POU2F2: variants seen among roughly 807,000 people sequenced by gnomAD.
POU2F2 encodes the protein POU class 2 homeobox 2.
POU2F2 carries 14 observed loss-of-function variants against 63.5 expected under a neutral mutation model. The observed-to-expected ratio is 0.22, with a 90% CI of 0.15 to 0.34. The LOEUF is 0.34. Ranked by LOEUF, POU2F2 falls within the 10% of genes least tolerant of loss-of-function variation. The pLI is 1.00. For missense variants in POU2F2, 607 were observed against 815.2 expected (o/e 0.74, Z 3.11); for synonymous variants, 306 against 348.6 (o/e 0.88, Z 1.36).
intron 5 of POU2F2, among the ~76,000 whole-genome samples, chr19:42,100,596 A>T (rs1304400962): frequency 6.6e-6 from 1 of 151,802 alleles, no homozygotes; most frequent in Non-Finnish European, 1.5e-5. Context: ...TACTAAAAAT[A>T]CAAAATTAGC....
chr19:42,142,112 G>A (rs1261738469), intron 2 of POU2F2, among the ~76,000 whole-genome samples: 3 of 152,176 alleles, frequency 2.0e-5, no homozygotes, highest in African/African-American at 4.8e-5. Context: ...TTCTATGGGC[G>A]TACAAGTATT....
At chr19:42,195,201 A>C (rs1487352714) in intron 1 of POU2F2, among the ~76,000 whole-genome samples, 1 of 151,432 alleles carries the variant, frequency 6.6e-6, no homozygotes, top group Non-Finnish European at 1.5e-5. Context: ...CATGACAGAA[A>C]GGTGGGCAGG....
chr19:42,152,780 T>C lies in POU2F2; in HGVS notation c.-9+7552A>G, dbSNP rs2034379884. 6.6e-6 allele frequency: 1 copy of C among 152,002 alleles called. No homozygotes were observed. The highest frequency in any genetic ancestry group is 1.5e-5 in the Non-Finnish European group (1 of 68,022). 9.4% of individuals were successfully genotyped at this position (152,002 alleles called of 1,614,324 possible). A position where few individuals can be genotyped will look rare whatever the true frequency, so the allele number is the denominator to read the frequency against. ...TTCAGGTAAGGGGGCTGGGAGAAAT[T>C]GAGGGACAATTTCTGGGAGAAAGCA... On this transcript the variant is annotated intron_variant, in intron 2 of 6. Coordinates refer to the POU2F2 transcript ENST00000524801. The surrounding 1 kb of genome is among the most constrained non-coding windows in gnomAD (Gnocchi z 4.1).
intron 5 of POU2F2, among the ~76,000 whole-genome samples, chr19:42,102,061 G>GT (rs1219946603): frequency 2.0e-5 from 3 of 152,066 alleles, no homozygotes; most frequent in African/African-American, 7.2e-5. Context: ...CCATACATGT[G>GT]TATGTGTTTA....
chr19:42,103,019 C>A (rs1158969459), intron 5 of POU2F2, among the ~76,000 whole-genome samples: 1 of 151,916 alleles, frequency 6.6e-6, no homozygotes, highest in Non-Finnish European at 1.5e-5. Flanking sequence ...AGCCATTTAG[C>A]CCTTTTCTGT....
chr19:42,190,699 C>T (rs1304417741), intron 1 of POU2F2, among the ~76,000 whole-genome samples: 1 of 151,960 alleles, frequency 6.6e-6, no homozygotes, highest in Non-Finnish European at 1.5e-5. Context: ...ATTAAAAATA[C>T]AAAAATTATA....
chr19:42,148,783 T>C (rs1353005999), intron 2 of POU2F2, among the ~76,000 whole-genome samples: 10 of 132,512 alleles, frequency 7.5e-5, no homozygotes, highest in Admixed American at 3.2e-4. Flanking sequence ...CCTCACTTGC[T>C]CCACAAATGT....
At chr19:42,124,700 G>A (rs893223009) in intron 1 of POU2F2, among the ~76,000 whole-genome samples, 2 of 152,162 alleles carry the variant, frequency 1.3e-5, no homozygotes, top group African/African-American at 4.8e-5. Flanking sequence ...AATAAAATGT[G>A]GTATGTCCAT....
In POU2F2 at chr19:42,099,707, G is replaced by A. The variant is rs373594423; in HGVS notation, c.475+9C>T. On this transcript the variant is annotated intron_variant, in intron 6 of 14. Transcript: ENST00000692977. ...GCGTCAGGGAGGCCATCTGGGGTGG[G>A]GGCCTTACCTGGCTGGCTCTGCTGG... 6.3e-7 allele frequency: 1 copy of A among 1,597,864 alleles called. No individual in the cohort carries two copies. Among genetic ancestry groups the A allele is most frequent in the Non-Finnish European group, 8.5e-7 (1 of 1,171,620 alleles).
intron 5 of POU2F2, among the ~76,000 whole-genome samples, chr19:42,111,115 C>A (rs1288365380): frequency 6.6e-6 from 1 of 152,000 alleles, no homozygotes; most frequent in Non-Finnish European, 1.5e-5. Context: ...CTTTCCTTTT[C>A]TTTCTTTCTC....
At chr19:42,171,332 GT>G (rs2146801811) in intron 1 of POU2F2, among the ~76,000 whole-genome samples, 2 of 152,256 alleles carry the variant, frequency 1.3e-5, no homozygotes, top group African/African-American at 4.8e-5. Flanking sequence ...GTGTCTGTGT[GT>G]GAATAAGGGG....
chr19:42,110,070 A>C (rs570352016), intron 5 of POU2F2, among the ~76,000 whole-genome samples: 4 of 152,100 alleles, frequency 2.6e-5, no homozygotes, highest in Non-Finnish European at 4.4e-5. Context: ...CAGTTGGGCA[A>C]CATAGTGAAA....
chr19:42,111,860 G>A (rs559313524), intron 5 of POU2F2, among the ~76,000 whole-genome samples: 2 of 152,220 alleles, frequency 1.3e-5, no homozygotes, highest in Admixed American at 1.3e-4. Flanking sequence ...ACTCCACTAG[G>A]GCAAGCTCTA....
At chr19:42,151,178 G>A (rs2034341312) in intron 2 of POU2F2, among the ~76,000 whole-genome samples, 2 of 152,204 alleles carry the variant, frequency 1.3e-5, no homozygotes, top group South Asian at 2.1e-4. Flanking sequence ...TCGGGGGTCA[G>A]GCCACGTCCC....
intron 2 of POU2F2, among the ~76,000 whole-genome samples, chr19:42,151,538 A>C (rs1424115260): frequency 1.3e-5 from 2 of 152,044 alleles, no homozygotes; most frequent in Non-Finnish European, 2.9e-5. Context: ...CACCCTCTGG[A>C]TGGCCCTGCC....
At chr19:42,178,115 A>G (rs1241541485), upstream of POU2F2, among the ~76,000 whole-genome samples, 2 of 152,118 alleles carry the variant, frequency 1.3e-5, no homozygotes, top group African/African-American at 2.4e-5. Context: ...CCAGAGACAC[A>G]CAGAAATATA....
chr19:42,098,583 T>C (rs1447781028), intron 7 of POU2F2, among the ~76,000 whole-genome samples: 1 of 152,084 alleles, frequency 6.6e-6, no homozygotes, highest in Non-Finnish European at 1.5e-5. Flanking sequence ...AGAAAAGTCA[T>C]ACACTGGCTT....
chr19:42,092,002 C>T lies in POU2F2; in HGVS notation c.1467-62G>A, dbSNP rs895296927. On this transcript the variant is annotated intron_variant, in intron 13 of 14. Coordinates refer to ENST00000692977, the MANE Select transcript of POU2F2 (RefSeq NM_001394376.1). This position sits in a 1 kb window ranked among gnomAD's most constrained non-coding sequence, Gnocchi z 5.0. ...GGACCTGCCAACATAACTGGGGTGC[C>T]GCTCCCCACCCTAGAAGCAGCAGCG... is the stretch of plus-strand genomic sequence containing the variant. 57 of 1,538,698 alleles carry T rather than the reference C, an allele frequency of 3.7e-5. No homozygotes were observed. Among genetic ancestry groups the T allele is most frequent in the African/African-American group, 8.1e-5 (6 of 73,626 alleles).
chr19:42,178,156 G>A (rs1599723970), upstream of POU2F2, among the ~76,000 whole-genome samples: 2 of 152,014 alleles, frequency 1.3e-5, no homozygotes, highest in Non-Finnish European at 1.5e-5. Context: ...GGGGAGAGGA[G>A]GGAGGAGGGA....
Sources: gnomAD v4.1 joint callset for allele counts (sites outside exome capture counted in the v4.1 genomes callset) on GRCh38, gnomAD v4.1.1 for gene constraint, Gnocchi (gnomAD v3.1) non-coding constraint, MANE v1.5 for transcripts, NCBI Gene and HGNC (gene_info 2026-07-23, HGNC 2026-07-21) for gene names.